The following PLAUR variants were observed in gnomAD, a reference collection of about 807,000 sequenced individuals.
The protein encoded by PLAUR is urokinase plasminogen activator surface receptor.
A neutral mutation model predicts 33.4 loss-of-function variants in PLAUR; 22 were observed. The observed-to-expected ratio is 0.66, with a 90% confidence interval of 0.47 to 0.94. PLAUR has a LOEUF of 0.94. Among genes scored for constraint, PLAUR ranks in the 40% least tolerant of loss-of-function variants. The probability of loss-of-function intolerance (pLI) is 0.00; values close to 1 mark genes in which losing one functional copy is unlikely to be tolerated. For synonymous variants in PLAUR, 148 were observed against 167.3 expected, an observed-to-expected ratio of 0.88 and a Z score of 0.89; for missense variants, 408 against 434.7, an observed-to-expected ratio of 0.94 and a Z score of 0.55.
intron 5 of PLAUR, among the ~76,000 whole-genome samples, chr19:43,655,138 G>C (rs1466418217): frequency 6.6e-6 from 1 of 152,030 alleles, no homozygotes; most frequent in Non-Finnish European, 1.5e-5. Flanking sequence ...TTAGCCAGGG[G>C]TGATGGTGGG....
chr19:43,668,920 C>G (rs1423256100), intron 1 of PLAUR, among the ~76,000 whole-genome samples: 1 of 151,956 alleles, frequency 6.6e-6, no homozygotes, highest in Non-Finnish European at 1.5e-5. Flanking sequence ...CTGGCTCCTC[C>G]CCGACACTCT....
In PLAUR at chr19:43,661,866, T is replaced by A. The variant is rs190109209; in HGVS notation, c.310+3450A>T. ...CTAATCCACCACTAAGGCCTGCTTC[T>A]TAATAGCTCTTGTTCGGCTTTGGTT... On this transcript the variant is annotated intron_variant, in intron 3 of 6. Coordinates refer to ENST00000340093, the MANE Select transcript of PLAUR (RefSeq NM_002659.4). Among the ~76,000 whole-genome samples the A allele has an allele frequency of 4.3e-3, 658 of 152,224 alleles. 4 individuals are homozygous for A. Among genetic ancestry groups the A allele is most frequent in the Non-Finnish European group, 7.0e-3 (476 of 67,996 alleles).
chr19:43,652,185 C>A, intron 6 of PLAUR, 40 bp downstream of exon 6: 1 of 1,610,000 alleles, frequency 6.2e-7, no homozygotes. Flanking sequence ...ACTCTCCACC[C>A]CCAATAAGTG....
rs1222665426 is a variant in PLAUR at position 43,655,435 on chromosome 19, T to C, written c.607+4A>G. 6.2e-7 allele frequency: 1 copy of C among 1,614,034 alleles called. No homozygotes were observed. On this transcript the variant is annotated splice_donor_region_variant and intron_variant, in intron 5 of 6. Transcript: ENST00000340093. ...AGGCCTTGCCTGTGTCTCCCGTTCC[T>C]TACTTGGGCCCTCGTTGCATTTGGT...
Position 43,655,451 on chromosome 19 carries a change from T to G in PLAUR, c.595A>C (p.Asn199His). Residue 199 changes from asparagine (N) to histidine (H), a missense_variant, in exon 5 of 7, where the codon AAC becomes CAC. By Grantham distance (68) the Asn-to-His change is moderately conservative. Transcript: ENST00000340093. ...FLKCCNTTKC[N>H]EGPILELENL... ...TCCCGTTCCTTACTTGGGCCCTCGT[T>G]GCATTTGGTGGTGTTGCAGCATTTC... 1 of 1,614,168 alleles carries G rather than the reference T, an allele frequency of 6.2e-7. No individual in the cohort carries two copies. The highest frequency in any genetic ancestry group is 8.5e-7 in the Non-Finnish European group (1 of 1,180,014).
At chr19:43,664,134 C>T (rs764019615) in intron 3 of PLAUR, among the ~76,000 whole-genome samples, 52 of 152,026 alleles carry the variant, frequency 3.4e-4, no homozygotes, top group Admixed American at 2.4e-3. Flanking sequence ...CTCACCGAGA[C>T]GGGAAGCCCA....
intron 6 of PLAUR, among the ~76,000 whole-genome samples, chr19:43,651,599 T>C (rs1973997522): frequency 6.6e-6 from 1 of 151,914 alleles, no homozygotes; most frequent in Admixed American, 6.6e-5. Context: ...CACACCCAGC[T>C]AATTTTTGTA....
chr19:43,658,993 G>C (rs976673719), intron 3 of PLAUR, among the ~76,000 whole-genome samples: 5 of 151,610 alleles, frequency 3.3e-5, no homozygotes, highest in African/African-American at 1.2e-4. Context: ...ACCTCCTCTA[G>C]GAAGCCCTCC....
intron 3 of PLAUR, among the ~76,000 whole-genome samples, chr19:43,659,561 T>C (rs570508814): frequency 5.9e-5 from 9 of 152,234 alleles, no homozygotes; most frequent in African/African-American, 2.2e-4. Context: ...CAAATCTCTC[T>C]CTAGTCTAGA....
In PLAUR at chr19:43,655,566, T is replaced by G; in HGVS notation, c.480A>C (p.Pro160=). 1 of 1,614,044 alleles carries G rather than the reference T, an allele frequency of 6.2e-7. No individual in the cohort carries two copies. The highest frequency in any genetic ancestry group is 1.7e-4 in the Middle Eastern group (1 of 6,060). ...AGCCACGGAGGTGGCGGTCATCCTT[T>G]GGACGCCCTATGGGGGCCAGGGGAC... ...HWIQEGEEGR[P]KDDRHLRGCG... is the part of the protein sequence containing the mutation. The change falls in exon 5 of 7, where the codon CCA becomes CCC. Residue 160 remains proline (P), a synonymous_variant. Coordinates refer to ENST00000340093, the MANE Select transcript of PLAUR (RefSeq NM_002659.4).
At chr19:43,657,345 T>G (rs985522834) in intron 3 of PLAUR, among the ~76,000 whole-genome samples, 1 of 152,106 alleles carries the variant, frequency 6.6e-6, no homozygotes, top group East Asian at 1.9e-4. Context: ...TCCAAGATCC[T>G]CAGCATGGGA....
In PLAUR at chr19:43,648,989, G is replaced by GC; in HGVS notation, c.908dup (p.Ser304GlnfsTer131). On this transcript the variant is annotated frameshift_variant, in exon 7 of 7. Transcript: ENST00000340093. LOFTEE classifies it low-confidence loss of function (END_TRUNC). ...GGCCAGGCTGAGGAGCAGCCCCACT[G>GC]CGGTACTGGACATCCAGGTCTGGGT... 6.2e-7 allele frequency: 1 copy of GC among 1,614,166 alleles called. No homozygotes were observed. Among genetic ancestry groups the GC allele is most frequent in the Non-Finnish European group, 8.5e-7 (1 of 1,180,008 alleles).
intron 6 of PLAUR, 68 bp from the exon 7 acceptor site, chr19:43,649,211 GACCTGCC>G (rs1210134337): frequency 5.8e-6 from 9 of 1,556,248 alleles, no homozygotes; most frequent in Non-Finnish European, 7.9e-6. Flanking sequence ...TCCAGTAGGT[GACCTGCC>G]ACCTTGCAGT....
chr19:43,665,026 T>G, intron 3 of PLAUR: 3 of 384,974 alleles, frequency 7.8e-6, no homozygotes, highest in Non-Finnish European at 9.6e-6. Context: ...GATTTGGGGA[T>G]GGGGTTGGAA....
chr19:43,652,325 G>C lies in PLAUR; in HGVS notation c.654C>G (p.Ser218Arg). 3.7e-6 allele frequency: 6 copies of C among 1,614,124 alleles called. No homozygotes were observed. Among genetic ancestry groups the C allele is most frequent in the Non-Finnish European group, 5.1e-6 (6 of 1,179,984 alleles). ...ATCCATGGGTGCTGTTCCCCTTGCA[G>C]CTGTAACACTGGCGGCCATTCTGCG... ...NLPQNGRQCYSCKGNSTHGCS... is the reference protein window; with the variant it reads ...NLPQNGRQCYRCKGNSTHGCS... Residue 218 changes from serine (S) to arginine (R), a missense_variant, in exon 6 of 7, where the codon AGC becomes AGG. Ser to Arg is a moderately radical substitution (Grantham distance 110). Coordinates refer to ENST00000340093, the MANE Select transcript of PLAUR (RefSeq NM_002659.4).
At chr19:43,665,613 T>C (rs1461108499) in intron 2 of PLAUR, among the ~76,000 whole-genome samples, 154 bp from the exon 3 acceptor site, 1 of 145,348 alleles carries the variant, frequency 6.9e-6, no homozygotes. Context: ...AGAGTTAACC[T>C]TGCCTCCACC....
Position 43,649,288 on chromosome 19 carries a change from C to T in PLAUR, c.755-145G>A. The T allele has an allele frequency of 3.4e-6, 3 of 892,684 alleles. No homozygotes were observed. In the South Asian group the frequency reaches 4.9e-5, roughly 15 times the overall value. 55.3% of individuals were successfully genotyped at this position (892,684 alleles called of 1,614,324 possible). A position where few individuals can be genotyped will look rare whatever the true frequency, so the allele number is the denominator to read the frequency against. ...CAGTTCTCAGGGCCAGGTGTGGTGG[C>T]TCATGCCTGTAATCTCAACACCTTG... On this transcript the variant is annotated intron_variant, in intron 6 of 6. Coordinates refer to ENST00000340093, the MANE Select transcript of PLAUR (RefSeq NM_002659.4).
intron 1 of PLAUR, 117 bp from the exon 2 acceptor site, chr19:43,667,808 C>T: frequency 6.7e-7 from 1 of 1,488,576 alleles, no homozygotes; most frequent in Non-Finnish European, 9.0e-7. Flanking sequence ...CATTCAGATT[C>T]GTGTCCATGT....
At chr19:43,655,276 CAAAAAAA>C (rs34689348) in intron 5 of PLAUR, among the ~76,000 whole-genome samples, 156 bp downstream of exon 5, 1 of 66,190 alleles carries the variant, frequency 1.5e-5, no homozygotes, top group Admixed American at 1.7e-4. Flanking sequence ...GACTCCGTCT[CAAAAAAA>C]AAAAAAAAAA....
Sources: gnomAD v4.1 joint callset for allele counts (sites outside exome capture counted in the v4.1 genomes callset) on GRCh38, gnomAD v4.1.1 for gene constraint, MANE v1.5 for transcripts, NCBI Gene and HGNC (gene_info 2026-07-23, HGNC 2026-07-21) for gene names.